EIF3M: variants seen among roughly 807,000 people sequenced by gnomAD.
The protein encoded by EIF3M is B5 receptor.
A neutral mutation model predicts 49.7 loss-of-function variants in EIF3M; 25 were observed. The observed-to-expected ratio is 0.50, with a 90% CI of 0.37 to 0.70. The LOEUF is 0.70. EIF3M is among the 30% of genes least tolerant of loss of function. The probability of loss-of-function intolerance (pLI) is 0.00; values close to 1 mark genes in which losing one functional copy is unlikely to be tolerated. For synonymous variants in EIF3M, 156 were observed against 149.8 expected, an observed-to-expected ratio of 1.04 and a Z score of -0.30; for missense variants, 350 against 440.0, an observed-to-expected ratio of 0.80 and a Z score of 1.83.
At chr11:32,586,262 A>T (rs1391692094) in intron 1 of EIF3M, among the ~76,000 whole-genome samples, 1 of 151,786 alleles carries the variant, frequency 6.6e-6, no homozygotes, top group African/African-American at 2.4e-5. Context: ...ACAAAAAAAA[A>T]CTGCGTTTGT....
chr11:32,605,857 C>T lies in EIF3M; in HGVS notation c.*3458C>T, dbSNP rs1266393937. ...GTATCTTCGTTCTTTCGTCTCCTATCCTTTTTAGAAATTTATCACCTGTTT... is the reference window on the plus strand; with the variant it reads ...GTATCTTCGTTCTTTCGTCTCCTATTCTTTTTAGAAATTTATCACCTGTTT... On this transcript the variant is annotated 3_prime_UTR_variant, in exon 11 of 11. Coordinates refer to ENST00000531120, the MANE Select transcript of EIF3M (RefSeq NM_006360.6). The T allele has an allele frequency of 6.6e-6, 1 of 152,190 alleles. No homozygotes were observed. Among genetic ancestry groups the T allele is most frequent in the Non-Finnish European group, 1.5e-5 (1 of 68,028 alleles). 9.4% of individuals were successfully genotyped at this position (152,190 alleles called of 1,614,324 possible). A position where few individuals can be genotyped will look rare whatever the true frequency, so the allele number is the denominator to read the frequency against.
At chr11:32,594,793 G>A in intron 6 of EIF3M, 121 bp from the exon 7 acceptor site, 5 of 747,100 alleles carry the variant, frequency 6.7e-6, no homozygotes, top group Non-Finnish European at 1.0e-5. Flanking sequence ...TTTTAATGTT[G>A]TTTATATGTT....
At position 32,596,009 on chromosome 11, in the gene EIF3M, A is replaced by G. The variant is rs757159807; in HGVS notation, c.761A>G (p.Lys254Arg). 4.5e-6 allele frequency: 7 copies of G among 1,561,518 alleles called. No homozygotes were observed. Among genetic ancestry groups the G allele is most frequent in the Non-Finnish European group, 5.2e-6 (6 of 1,163,430 alleles). ...AGTGCTAAATTGGCATCATATGTCA[A>G]GTTTTATCAGAATAATAAAGACTTC... Reference protein sequence around the residue: ...FVSAKLASYVKFYQNNKDFID... With the variant: ...FVSAKLASYVRFYQNNKDFID... The change falls in exon 8 of 11, where the codon AAG becomes AGG. Residue 254 changes from lysine (K) to arginine (R), a missense_variant. By Grantham distance (26) the Lys-to-Arg change is conservative. Coordinates refer to ENST00000531120, the MANE Select transcript of EIF3M (RefSeq NM_006360.6).
rs115065212 is a variant in EIF3M at position 32,602,013 on chromosome 11, G to A, written c.1004+191G>A. The A allele has an allele frequency of 1.9e-3, 1,572 of 837,058 alleles. 23 individuals are homozygous for A. The African/African-American group carries it at 0.025, about 13-fold the overall frequency. The allele number at this position is 837,058 out of a possible 1,614,324, so 51.9% of individuals were successfully genotyped here. ...TTTAATGAAAGAGTCCTATTTTCCA[G>A]CACATTTCATTTAATGGCTGAGCAT... On this transcript the variant is annotated intron_variant, in intron 10 of 10. Transcript: ENST00000531120.
intron 7 of EIF3M, 143 bp downstream of exon 7, chr11:32,595,156 C>A: frequency 1.5e-6 from 1 of 661,010 alleles, no homozygotes; most frequent in African/African-American, 1.8e-5. Flanking sequence ...CTTTTTATAT[C>A]AGGAACAGAC....
At chr11:32,601,614 C>G (rs1855266737) in intron 9 of EIF3M, 148 bp from the exon 10 acceptor site, 1 of 626,110 alleles carries the variant, frequency 1.6e-6, no homozygotes, top group Admixed American at 3.1e-5. Flanking sequence ...TTGCCCCATA[C>G]TGTTTTGCTT....
At position 32,586,927 on chromosome 11, in the gene EIF3M, G is replaced by T; in HGVS notation, c.43-85G>T. 1 of 1,467,118 alleles carries T rather than the reference G, an allele frequency of 6.8e-7. No individual in the cohort carries two copies. The highest frequency in any genetic ancestry group is 2.4e-5 in the East Asian group (1 of 42,130). 90.9% of individuals were successfully genotyped at this position (1,467,118 alleles called of 1,614,324 possible). ...AATAGTTGTTGAATACAGTATTTCC[G>T]TTTTAGTTTTTCAGAAAGAGGACAG... is the stretch of plus-strand genomic sequence containing the variant. On this transcript the variant is annotated intron_variant, in intron 1 of 10. Transcript: ENST00000531120.
intron 4 of EIF3M, 74 bp downstream of exon 4, chr11:32,589,209 T>C (rs912541284): frequency 2.5e-5 from 40 of 1,572,672 alleles, no homozygotes; most frequent in Non-Finnish European, 3.2e-5. Context: ...GGAGTTTCAC[T>C]GTTGTTGCCC....
chr11:32,589,266 T>C, intron 4 of EIF3M, 131 bp downstream of exon 4: 2 of 1,377,124 alleles, frequency 1.5e-6, no homozygotes, highest in South Asian at 2.9e-5. Context: ...AACCTCCGCC[T>C]CCAGGGTTCA....
intron 2 of EIF3M, among the ~76,000 whole-genome samples, chr11:32,588,030 G>A (rs144494720): frequency 2.0e-4 from 31 of 152,110 alleles, no homozygotes; most frequent in Admixed American, 1.1e-3. Flanking sequence ...CCAAATGATT[G>A]AATATCATGA....
rs1855337279 is a variant in EIF3M at position 32,605,471 on chromosome 11, G to C, written c.*3072G>C. The C allele has an allele frequency of 6.6e-6, 1 of 152,140 alleles. No individual in the cohort carries two copies. The highest frequency in any genetic ancestry group is 1.9e-4 in the East Asian group (1 of 5,190). The allele number at this position is 152,140 out of a possible 1,614,324, so 9.4% of individuals were successfully genotyped here. ...AGTTCCCAGATGCTATTACTGGAAA[G>C]AATAACTAGTAATGGATAAAAACCT... On this transcript the variant is annotated 3_prime_UTR_variant, in exon 11 of 11. Transcript: ENST00000531120.
chr11:32,587,008 A>G lies in EIF3M; in HGVS notation c.43-4A>G, dbSNP rs780465385. On this transcript the variant is annotated splice_polypyrimidine_tract_variant and splice_region_variant and intron_variant, in intron 1 of 10. Transcript: ENST00000531120. The stretch of plus-strand genomic sequence containing the variant: ...CAGTTTTATAATAGAGCAATCCTCA[A>G]CAGGCTGCTGAGCTTCGTGCTTATC... The G allele has an allele frequency of 6.2e-7, 1 of 1,603,230 alleles. No homozygotes were observed. Among genetic ancestry groups the G allele is most frequent in the Non-Finnish European group, 8.5e-7 (1 of 1,175,768 alleles).
intron 1 of EIF3M, 75 bp downstream of exon 1, chr11:32,584,004 C>T (rs1247944804): frequency 1.9e-6 from 3 of 1,585,302 alleles, no homozygotes; most frequent in African/African-American, 1.4e-5. Context: ...GCTGCCGAGC[C>T]TGGGCCGGGC....
At chr11:32,584,263 GA>G (rs1487885357) in intron 1 of EIF3M, 1 of 366,480 alleles carries the variant, frequency 2.7e-6, no homozygotes, top group Non-Finnish European at 5.0e-6. Flanking sequence ...GGGAGGTGGT[GA>G]ATCTGTAGTT....
chr11:32,587,545 T>C (rs1855020453), intron 2 of EIF3M, among the ~76,000 whole-genome samples: 1 of 152,252 alleles, frequency 6.6e-6, no homozygotes, highest in African/African-American at 2.4e-5. Flanking sequence ...TTGTGTAATC[T>C]ATTATACCTA....
In EIF3M at chr11:32,600,748, G is replaced by A; in HGVS notation, c.859G>A (p.Val287Ile). ...ACTACTTACTTTTATGGGAATGGCA[G>A]TAGAAAATAAGGAAATTTCTTTTGA... ...MRLLTFMGMAVENKEISFDTM... is the reference protein window; with the variant it reads ...MRLLTFMGMAIENKEISFDTM... The change falls in exon 9 of 11, where the codon GTA (valine) becomes ATA (isoleucine). Residue 287 changes from valine (V) to isoleucine (I), a missense_variant. Val to Ile is a conservative substitution (Grantham distance 29). Transcript: ENST00000531120. 1.2e-6 allele frequency: 2 copies of A among 1,612,038 alleles called. No homozygotes were observed. Among genetic ancestry groups the A allele is most frequent in the Non-Finnish European group, 1.7e-6 (2 of 1,178,638 alleles).
chr11:32,598,639 G>A (rs1360322573), intron 8 of EIF3M, among the ~76,000 whole-genome samples: 1 of 151,928 alleles, frequency 6.6e-6, no homozygotes, highest in Non-Finnish European at 1.5e-5. Flanking sequence ...ACGGTTTTAT[G>A]GAATTCAGCC....
intron 8 of EIF3M, among the ~76,000 whole-genome samples, chr11:32,599,145 C>A (rs1855223207): frequency 6.6e-6 from 1 of 152,058 alleles, no homozygotes; most frequent in Non-Finnish European, 1.5e-5. Context: ...TTAACACTGA[C>A]AACTTAGGCC....
Position 32,602,575 on chromosome 11 carries a change from C to T in EIF3M, c.*176C>T, listed in dbSNP as rs113021836. 2.8e-3 allele frequency: 2,327 copies of T among 826,114 alleles called. 40 individuals are homozygous for T. The African/African-American group carries it at 0.036, about 13-fold the overall frequency. 51.2% of individuals were successfully genotyped at this position (826,114 alleles called of 1,614,324 possible). A position where few individuals can be genotyped will look rare whatever the true frequency, so the allele number is the denominator to read the frequency against. ...ACAAGGGGTCACAATGTCTGTCATA[C>T]AATACATAAATTCTGTTCTTTAAAA... On this transcript the variant is annotated 3_prime_UTR_variant, in exon 11 of 11. Coordinates refer to ENST00000531120, the MANE Select transcript of EIF3M (RefSeq NM_006360.6).
Sources: gnomAD v4.1 joint callset for allele counts (sites outside exome capture counted in the v4.1 genomes callset) on GRCh38, gnomAD v4.1.1 for gene constraint, MANE v1.5 for transcripts, NCBI Gene and HGNC (gene_info 2026-07-23, HGNC 2026-07-21) for gene names.